Variants in RHBDD1 observed in about 807,000 individuals in gnomAD.
RHBDD1 encodes rhomboid-related protein 4.
Under a neutral mutation model 36.3 loss-of-function variants are expected in RHBDD1, and 38 were observed. The ratio of observed to expected loss-of-function variants is 1.05; its 90% CI spans 0.81 to 1.37. The LOEUF (loss-of-function observed/expected upper bound fraction) is 1.37, where lower values mean the gene tolerates loss of function less well. Among genes scored for constraint, RHBDD1 ranks in the 40% most tolerant of loss-of-function variants. The probability of loss-of-function intolerance (pLI) is 0.00; values close to 1 mark genes in which losing one functional copy is unlikely to be tolerated. For synonymous variants in RHBDD1, 151 were observed against 136.5 expected, an observed-to-expected ratio of 1.11 and a Z score of -0.74; for missense variants, 393 against 377.6, an observed-to-expected ratio of 1.04 and a Z score of -0.34.
At chr2:226,860,772 G>A (rs569698561) in intron 3 of RHBDD1, among the ~76,000 whole-genome samples, 2 of 152,140 alleles carry the variant, frequency 1.3e-5, no homozygotes, top group African/African-American at 2.4e-5. Flanking sequence ...TGTTTACAAA[G>A]GTGGAGCCCA....
chr2:226,951,605 C>T (rs948847979), intron 8 of RHBDD1, among the ~76,000 whole-genome samples: 7 of 152,100 alleles, frequency 4.6e-5, no homozygotes, highest in African/African-American at 1.4e-4. Context: ...CAGTAGATAT[C>T]GGGGAAAGGC....
chr2:226,985,806 C>A (rs957191639), intron 8 of RHBDD1, among the ~76,000 whole-genome samples: 1 of 152,246 alleles, frequency 6.6e-6, no homozygotes, highest in Non-Finnish European at 1.5e-5. Flanking sequence ...TGATTCCAGA[C>A]CACTATATCC....
intron 8 of RHBDD1, among the ~76,000 whole-genome samples, chr2:226,978,458 T>C (rs1018814348): frequency 2.0e-5 from 3 of 152,178 alleles, no homozygotes; most frequent in Non-Finnish European, 2.9e-5. Flanking sequence ...CCTGGACATA[T>C]GGACCATACC....
At chr2:226,962,227 ATTCATTAAC>A (rs1361663570) in intron 8 of RHBDD1, among the ~76,000 whole-genome samples, 3 of 152,238 alleles carry the variant, frequency 2.0e-5, no homozygotes, top group Non-Finnish European at 4.4e-5. Flanking sequence ...AAAATAGCAA[ATTCATTAAC>A]TAGGAATCTA....
chr2:226,994,070 CT>C (rs1443559948), intron 8 of RHBDD1, among the ~76,000 whole-genome samples: 1 of 152,324 alleles, frequency 6.6e-6, no homozygotes, highest in African/African-American at 2.4e-5. Flanking sequence ...CTGGCTGCTG[CT>C]TTTGAGAGCT....
intron 8 of RHBDD1, among the ~76,000 whole-genome samples, chr2:226,973,722 T>C (rs957498843): frequency 6.6e-6 from 1 of 152,236 alleles, no homozygotes; most frequent in Admixed American, 6.5e-5. Flanking sequence ...TCATTGTTAT[T>C]GTCTGAGCAA....
At chr2:226,870,502 C>G (rs968748366) in intron 5 of RHBDD1, among the ~76,000 whole-genome samples, 3 of 152,152 alleles carry the variant, frequency 2.0e-5, no homozygotes, top group Admixed American at 1.3e-4. Context: ...ATAAGCCACT[C>G]TTAAACACTA....
At chr2:226,903,359 C>G (rs1005646680) in intron 5 of RHBDD1, among the ~76,000 whole-genome samples, 1 of 152,178 alleles carries the variant, frequency 6.6e-6, no homozygotes, top group Admixed American at 6.5e-5. Context: ...CCCCGTCTCA[C>G]CCAGGACGTG....
At chr2:226,867,077 G>A in intron 4 of RHBDD1, 109 bp from the exon 5 acceptor site, 1 of 1,135,290 alleles carries the variant, frequency 8.8e-7, no homozygotes, top group Non-Finnish European at 1.3e-6. Flanking sequence ...AAAGCACAAA[G>A]TTGGATGTAA....
intron 5 of RHBDD1, among the ~76,000 whole-genome samples, chr2:226,897,738 G>A (rs759489928): frequency 2.6e-5 from 4 of 152,138 alleles, no homozygotes; most frequent in South Asian, 2.1e-4. Context: ...TTGGGAGGCC[G>A]AGGCGGGTGG....
At chr2:226,988,217 C>T in intron 8 of RHBDD1, 1 of 937,500 alleles carries the variant, frequency 1.1e-6, no homozygotes, top group East Asian at 2.8e-5. Flanking sequence ...AAGACAGTCT[C>T]AAGATCAAGA....
At chr2:226,923,309 T>G (rs1398256518) in intron 8 of RHBDD1, among the ~76,000 whole-genome samples, 2 of 152,174 alleles carry the variant, frequency 1.3e-5, no homozygotes, top group East Asian at 1.9e-4. Context: ...GATAAATTTT[T>G]TTTTCCCCTT....
chr2:226,959,197 T>G (rs1304400422), intron 8 of RHBDD1, among the ~76,000 whole-genome samples: 2 of 152,186 alleles, frequency 1.3e-5, no homozygotes, highest in Non-Finnish European at 2.9e-5. Context: ...ACCTTCTTTT[T>G]GTAAGGATCA....
chr2:226,849,099 A>G (rs1351686511), intron 3 of RHBDD1, among the ~76,000 whole-genome samples: 4 of 152,212 alleles, frequency 2.6e-5, no homozygotes, highest in African/African-American at 9.6e-5. Flanking sequence ...GTTTTAGATC[A>G]TTTAGTTTGT....
chr2:226,888,170 G>A (rs533305457), intron 5 of RHBDD1, among the ~76,000 whole-genome samples: 9 of 152,286 alleles, frequency 5.9e-5, no homozygotes, highest in African/African-American at 2.2e-4. Flanking sequence ...TTGGTGAGCA[G>A]CATTGGTGGA....
the RHBDD1 span, among the ~76,000 whole-genome samples, chr2:226,801,242 G>C: frequency 6.6e-6 from 1 of 152,228 alleles, no homozygotes; most frequent in Non-Finnish European, 1.5e-5. Flanking sequence ...GGCCCAATGC[G>C]GCTGAGGGGC....
intron 8 of RHBDD1, among the ~76,000 whole-genome samples, chr2:226,944,928 A>G (rs1199804886): frequency 1.3e-5 from 2 of 152,108 alleles, no homozygotes; most frequent in African/African-American, 2.4e-5. Flanking sequence ...CGAGGGGAGC[A>G]AAGAAAATAG....
At chr2:226,882,430 C>CAAAAA (rs58149634) in intron 5 of RHBDD1, among the ~76,000 whole-genome samples, 56 of 57,028 alleles carry the variant, frequency 9.8e-4, no homozygotes, top group Middle Eastern at 0.014. Flanking sequence ...GACTTTGCCT[C>CAAAAA]AAAAAAAAAA....
At chr2:226,908,123 C>T (rs1237086403) in intron 6 of RHBDD1, 1 of 152,134 alleles carries the variant, frequency 6.6e-6, no homozygotes, top group African/African-American at 2.4e-5. Context: ...ACTCCATTTT[C>T]AAAGTAATAA....
Sources: allele counts gnomAD v4.1 joint callset (sites outside exome capture counted in the v4.1 genomes callset), GRCh38; gene constraint gnomAD v4.1.1; transcripts MANE v1.5; gene names NCBI Gene and HGNC (gene_info 2026-07-23, HGNC 2026-07-21).